Variants in SMARCC2 observed in about 807,000 individuals in gnomAD.
SMARCC2 encodes the protein SWI/SNF complex subunit SMARCC2.
A neutral mutation model predicts 151.3 loss-of-function variants in SMARCC2; 15 were observed. That is an observed-to-expected ratio of 0.10 (90% CI 0.07 to 0.15). SMARCC2 has a LOEUF of 0.15. Among genes scored for constraint, SMARCC2 ranks in the 10% least tolerant of loss-of-function variants. The probability of loss-of-function intolerance (pLI) is 1.00; values close to 1 mark genes in which losing one functional copy is unlikely to be tolerated. For missense variants in SMARCC2, 1,031 were observed against 1,599.7 expected (o/e 0.64, Z 6.06); for synonymous variants, 590 against 609.5 (o/e 0.97, Z 0.47).
Position 56,171,604 on chromosome 12 carries a change from A to G in SMARCC2, c.2185+75T>C. The G allele has an allele frequency of 6.6e-7, 1 of 1,511,078 alleles. No homozygotes were observed. 93.6% of individuals were successfully genotyped at this position (1,511,078 alleles called of 1,614,324 possible). ...GGCCAGCAGGGCAGCCAAACTTGAG[A>G]GGATTCACAGTCTGAGTAACTAGCC... On this transcript the variant is annotated intron_variant, in intron 21 of 28. Coordinates refer to ENST00000550164, the MANE Select transcript of SMARCC2 (RefSeq NM_001330288.2). This position sits in a 1 kb window ranked among gnomAD's most constrained non-coding sequence, Gnocchi z 4.2.
chr12:56,169,952 A>ATAAT (rs748378766), intron 23 of SMARCC2, 41 bp from the exon 24 acceptor site: 3 of 1,589,834 alleles, frequency 1.9e-6, no homozygotes, highest in Non-Finnish European at 1.7e-6. Context: ...ATCAGGGATT[A>ATAAT]GGGTGATTAG....
rs1872618285 is a variant in SMARCC2 at position 56,165,541 on chromosome 12, G to T, written c.3009C>A (p.Ile1003=). 1 of 1,611,506 alleles carries T rather than the reference G, an allele frequency of 6.2e-7. No individual in the cohort carries two copies. Among genetic ancestry groups the T allele is most frequent in the African/African-American group, 1.3e-5 (1 of 74,936 alleles). The change falls in exon 27 of 29, where the codon ATC becomes ATA. Residue 1003 remains isoleucine, a synonymous_variant. Coordinates refer to ENST00000550164, the MANE Select transcript of SMARCC2 (RefSeq NM_001330288.2). ...PPALPPGSQP[I]PPTGAAGPPA... ...GTGGCCCAGCAGCCCCTGTTGGGGG[G>T]ATAGGCTGGGAGCCTGGGGGCAGGG...
intron 26 of SMARCC2, among the ~76,000 whole-genome samples, chr12:56,167,279 C>T (rs1026412109): frequency 2.0e-5 from 3 of 152,130 alleles, no homozygotes; most frequent in Non-Finnish European, 2.9e-5. Context: ...TCCCAGGAGG[C>T]GGACGTTGTG....
Position 56,171,295 on chromosome 12 carries a change from T to A in SMARCC2, c.2323A>T (p.Thr775Ser), listed in dbSNP as rs1463516091. 1 of 1,614,088 alleles carries A rather than the reference T, an allele frequency of 6.2e-7. No homozygotes were observed. Among genetic ancestry groups the A allele is most frequent in the Admixed American group, 1.7e-5 (1 of 60,008 alleles). ...CCAATCCGCTCAGGCTCATCAGAGGTGGTTCCTGCAATGCCACTGCTTTCC... is the reference window on the plus strand; with the variant it reads ...CCAATCCGCTCAGGCTCATCAGAGGAGGTTCCTGCAATGCCACTGCTTTCC... ...GLESSGIAGT[T>S]SDEPERIEES... is the part of the protein sequence containing the mutation. The change falls in exon 22 of 29, where the codon ACC becomes TCC. Residue 775 changes from threonine to serine, a missense_variant. Physicochemically the swap from Thr to Ser is moderately conservative, Grantham distance 58 (BLOSUM62 1). Around this residue, in one of 12 missense-constraint regions of SMARCC2, gnomAD observed 119 missense variants for 184.2 expected, o/e 0.65. Coordinates refer to ENST00000550164, the MANE Select transcript of SMARCC2 (RefSeq NM_001330288.2). This position sits in a 1 kb window ranked among gnomAD's most constrained non-coding sequence, Gnocchi z 4.2.
chr12:56,171,122 G>A lies in SMARCC2; in HGVS notation c.2347+149C>T, dbSNP rs1369903858. On this transcript the variant is annotated intron_variant, in intron 22 of 28. Coordinates refer to ENST00000550164, the MANE Select transcript of SMARCC2 (RefSeq NM_001330288.2). This position sits in a 1 kb window ranked among gnomAD's most constrained non-coding sequence, Gnocchi z 4.2. Reference sequence around the variant, plus strand: ...GGACTAGTAGGGCTCCAGAGCCCCTGAGGTAAACTCATGGGGAAAATAAAA... The same window carrying A: ...GGACTAGTAGGGCTCCAGAGCCCCTAAGGTAAACTCATGGGGAAAATAAAA... The A allele has an allele frequency of 1.4e-6, 1 of 723,862 alleles. No homozygotes were observed. Among genetic ancestry groups the A allele is most frequent in the Non-Finnish European group, 2.2e-6 (1 of 444,532 alleles). 44.8% of individuals were successfully genotyped at this position (723,862 alleles called of 1,614,324 possible).
chr12:56,184,520 A>C, intron 5 of SMARCC2: 1 of 542,344 alleles, frequency 1.8e-6, no homozygotes. Flanking sequence ...CTTATCAATG[A>C]CATCTATTCA....
chr12:56,188,423 G>C (rs1301644836), intron 1 of SMARCC2, among the ~76,000 whole-genome samples: 1 of 152,178 alleles, frequency 6.6e-6, no homozygotes, highest in African/African-American at 2.4e-5. Flanking sequence ...GAAGAACTGG[G>C]GAGCTGAAAG....
intron 14 of SMARCC2, 24 bp from the exon 15 acceptor site, chr12:56,178,117 TCAG>T: frequency 5.6e-6 from 9 of 1,599,110 alleles, no homozygotes; most frequent in Non-Finnish European, 7.7e-6. Flanking sequence ...CAGAATGGTT[TCAG>T]AAGAAGGCAT....
At chr12:56,180,191 C>T (rs1261655932) in intron 11 of SMARCC2, among the ~76,000 whole-genome samples, 1 of 151,700 alleles carries the variant, frequency 6.6e-6, no homozygotes, top group African/African-American at 2.4e-5. Flanking sequence ...TCACTGCAAG[C>T]TCCGCCTCCC....
chr12:56,181,243 T>G (rs994050969), intron 10 of SMARCC2, 142 bp from the exon 11 acceptor site: 2 of 811,288 alleles, frequency 2.5e-6, no homozygotes, highest in Admixed American at 2.9e-5. Flanking sequence ...CACACAGTAA[T>G]GGGAAGTGGC....
In SMARCC2 at chr12:56,178,968, C is replaced by T. The variant is rs755707485; in HGVS notation, c.1141+29G>A. 5 of 1,613,094 alleles carry T rather than the reference C, an allele frequency of 3.1e-6. No homozygotes were observed. In the Admixed American group the frequency reaches 5.0e-5, roughly 16 times the overall value. ...AGCCCTCCCCTTCCCTTGGCTCTGA[C>T]TGCCGTGCCCAAGAGGCTCCTGTCT... On this transcript the variant is annotated intron_variant, in intron 12 of 28. Coordinates refer to ENST00000550164, the MANE Select transcript of SMARCC2 (RefSeq NM_001330288.2).
At chr12:56,174,331 C>T (rs549691653) in intron 16 of SMARCC2, among the ~76,000 whole-genome samples, 9 of 152,114 alleles carry the variant, frequency 5.9e-5, no homozygotes, top group African/African-American at 1.7e-4. Context: ...AGGCTGGTCT[C>T]GAACTTCTGG....
intron 2 of SMARCC2, chr12:56,186,495 C>A (rs760277474): frequency 6.7e-6 from 3 of 446,016 alleles, no homozygotes; most frequent in Non-Finnish European, 1.2e-5. Context: ...GCATTACAGG[C>A]ATGAGCCACC....
intron 26 of SMARCC2, among the ~76,000 whole-genome samples, chr12:56,167,322 T>A (rs1191903914): frequency 6.6e-6 from 1 of 152,174 alleles, no homozygotes; most frequent in African/African-American, 2.4e-5. Context: ...CACTCCAGCC[T>A]GGGCAACAAG....
chr12:56,167,935 ATC>A (rs143248977), intron 26 of SMARCC2, 123 bp downstream of exon 26: 58 of 1,068,260 alleles, frequency 5.4e-5, no homozygotes, highest in Non-Finnish European at 6.7e-5. Context: ...ACTGTTGCTT[ATC>A]TCTCTTTCAC....
intron 17 of SMARCC2, 123 bp downstream of exon 17, chr12:56,173,573 T>C: frequency 1.2e-6 from 1 of 856,838 alleles, no homozygotes; most frequent in Non-Finnish European, 1.8e-6. Context: ...ACCCTTTGCA[T>C]CCCATGGAAA....
chr12:56,166,616 G>T (rs565230386), intron 26 of SMARCC2, among the ~76,000 whole-genome samples: 6 of 148,996 alleles, frequency 4.0e-5, no homozygotes, highest in Middle Eastern at 3.5e-3. Context: ...TTGAGATAGG[G>T]TCTCACTCTG....
Position 56,171,448 on chromosome 12 carries a change from A to G in SMARCC2, c.2186-16T>C. On this transcript the variant is annotated splice_polypyrimidine_tract_variant and intron_variant, in intron 21 of 28. Transcript: ENST00000550164. This position sits in a 1 kb window ranked among gnomAD's most constrained non-coding sequence, Gnocchi z 4.2. ...GAGAACTCCTCTGCAAGACCCAGAA[A>G]GAATGAGGCTGGGAGCGGCACAGTG... 2 of 1,614,212 alleles carry G rather than the reference A, an allele frequency of 1.2e-6. No individual in the cohort carries two copies. The highest frequency in any genetic ancestry group is 2.2e-5 in the South Asian group (2 of 91,090).
At chr12:56,173,132 G>C (rs1874270986) in intron 17 of SMARCC2, 103 bp from the exon 18 acceptor site, 2 of 905,392 alleles carry the variant, frequency 2.2e-6, no homozygotes, top group African/African-American at 1.6e-5. Context: ...AAGCTCTGGG[G>C]GCACTCATGC....
Sources: allele counts gnomAD v4.1 joint callset (sites outside exome capture counted in the v4.1 genomes callset), GRCh38; gene constraint gnomAD v4.1.1; regional missense constraint gnomAD v4.1.1; non-coding constraint Gnocchi (gnomAD v3.1); transcripts MANE v1.5; gene names NCBI Gene and HGNC (gene_info 2026-07-23, HGNC 2026-07-21).